Variants in CLYBL observed in about 807,000 individuals in gnomAD.
CLYBL encodes citramalyl-CoA lyase.
A neutral mutation model predicts 38.9 loss-of-function variants in CLYBL; 31 were observed. The observed-to-expected ratio is 0.80, with a 90% CI of 0.60 to 1.08. The LOEUF (loss-of-function observed/expected upper bound fraction) is 1.08. Ranked by LOEUF, CLYBL falls within the 50% of genes least tolerant of loss-of-function variation. The pLI is 0.00. For missense variants in CLYBL, 434 were observed against 411.6 expected (o/e 1.05, Z -0.47); for synonymous variants, 171 against 158.6 (o/e 1.08, Z -0.59).
chr13:99,790,080 C>T (rs1026801256), intron 2 of CLYBL, among the ~76,000 whole-genome samples: 2 of 151,900 alleles, frequency 1.3e-5, no homozygotes, highest in South Asian at 4.2e-4. Flanking sequence ...TTATTTTGAG[C>T]TTATGTGTGT....
chr13:99,734,425 G>A (rs72653923), intron 1 of CLYBL, among the ~76,000 whole-genome samples: 7,973 of 151,964 alleles, frequency 0.052, 291 homozygotes, highest in Non-Finnish European at 0.083. Flanking sequence ...ACAAAACGGA[G>A]GAGAATGTAA....
chr13:99,833,157 T>G (rs9585238), intron 2 of CLYBL, among the ~76,000 whole-genome samples: 4,349 of 146,888 alleles, frequency 0.03, 206 homozygotes, highest in African/African-American at 0.1. Context: ...TTCTCCTGCC[T>G]CAGCCTCCCA....
intron 2 of CLYBL, among the ~76,000 whole-genome samples, chr13:99,834,882 C>T (rs904216622): frequency 5.3e-5 from 8 of 152,172 alleles, no homozygotes; most frequent in Middle Eastern, 3.2e-3. Context: ...AGAATTTTGA[C>T]GGTCAAGAGG....
chr13:99,851,483 T>A (rs868085020), intron 2 of CLYBL, among the ~76,000 whole-genome samples: 1 of 151,948 alleles, frequency 6.6e-6, no homozygotes, highest in Non-Finnish European at 1.5e-5. Context: ...AAACTTTGTT[T>A]TATATATATA....
chr13:99,753,513 T>G (rs1015065779), intron 1 of CLYBL, among the ~76,000 whole-genome samples: 1 of 152,198 alleles, frequency 6.6e-6, no homozygotes, highest in African/African-American at 2.4e-5. Flanking sequence ...TAGAGTAGGA[T>G]GTAAGTCCCA....
chr13:99,854,819 C>A (rs961032876), intron 2 of CLYBL, among the ~76,000 whole-genome samples: 1 of 152,176 alleles, frequency 6.6e-6, no homozygotes, highest in African/African-American at 2.4e-5. Context: ...TGATAGGAAT[C>A]CAGTCTCTGA....
Position 99,784,449 on chromosome 13 carries a change from C to CTCTTGTTTTTTTTTTTTT in CLYBL, c.249+11440_249+11441insCTTGTTTTTTTTTTTTTT, listed in dbSNP as rs71121010. Among the ~76,000 whole-genome samples, 3 of 52,098 alleles carry CTCTTGTTTTTTTTTTTTT rather than the reference C, an allele frequency of 5.8e-5. 1 individual carries two copies. The highest frequency in any genetic ancestry group is 1.1e-4 in the Non-Finnish European group (3 of 26,222). 34.2% of individuals were successfully genotyped at this position (52,098 alleles called of 152,430 possible). On this transcript the variant is annotated intron_variant, in intron 2 of 8. Coordinates refer to ENST00000339105, the MANE Select transcript of CLYBL (RefSeq NM_206808.5). ...TTCCTCTGCTTCTGGAAAATTCTCTCTTTTTTTTTTTTTTTTTTTTTTTGA... is the reference window on the plus strand; with the variant it reads ...TTCCTCTGCTTCTGGAAAATTCTCTCTCTTGTTTTTTTTTTTTTTTTTTTTTTTTTTTTTTTTTTTTGA...
chr13:99,806,246 T>C (rs2050230360), intron 2 of CLYBL, among the ~76,000 whole-genome samples: 1 of 152,242 alleles, frequency 6.6e-6, no homozygotes, highest in Non-Finnish European at 1.5e-5. Flanking sequence ...TTTTGAAGAT[T>C]GATAATACAT....
At chr13:99,812,652 C>T (rs955307766) in intron 2 of CLYBL, among the ~76,000 whole-genome samples, 1 of 152,202 alleles carries the variant, frequency 6.6e-6, no homozygotes, top group African/African-American at 2.4e-5. Flanking sequence ...GCAAGAAGCT[C>T]AGAAAAGGTC....
chr13:99,749,239 C>T (rs563274562), intron 1 of CLYBL, among the ~76,000 whole-genome samples: 6 of 152,082 alleles, frequency 3.9e-5, no homozygotes, highest in Non-Finnish European at 7.4e-5. Context: ...CTTGTAGGAA[C>T]GTCCCTCGCC....
At chr13:99,891,283 A>G in intron 7 of CLYBL, 35 bp from the exon 8 acceptor site, 1 of 1,447,732 alleles carries the variant, frequency 6.9e-7, no homozygotes. Flanking sequence ...AATTTCGAGT[A>G]TTCTTTCAGG....
intron 1 of CLYBL, among the ~76,000 whole-genome samples, chr13:99,733,416 C>T (rs1219381278): frequency 4.6e-5 from 7 of 152,304 alleles, no homozygotes; most frequent in Non-Finnish European, 1.0e-4. Context: ...AAACTTTTTC[C>T]ATTTTATTGT....
chr13:99,758,472 G>A (rs1165581952), intron 1 of CLYBL, among the ~76,000 whole-genome samples: 1 of 152,176 alleles, frequency 6.6e-6, no homozygotes, highest in Non-Finnish European at 1.5e-5. Context: ...AAATATGTAA[G>A]ATAAAATAAA....
chr13:99,692,205 A>G (rs562388107), intron 1 of CLYBL, among the ~76,000 whole-genome samples: 2 of 151,690 alleles, frequency 1.3e-5, no homozygotes, highest in South Asian at 4.2e-4. Flanking sequence ...TACTCCCCAC[A>G]CTGACCTCCC....
rs1403117313 is a variant in CLYBL, at chr13:99,730,477, C to T, written c.63-42347C>T. Among the ~76,000 whole-genome samples, 3 of 152,320 alleles carry T rather than the reference C, an allele frequency of 2.0e-5. No homozygotes were observed. The East Asian group carries it at 5.8e-4, about 29-fold the overall frequency. The stretch of plus-strand genomic sequence containing the variant: ...TCTTAGTGAGAATACAGAACAGCTC[C>T]TGGCAGCACTTTCCCTTCCAGCTTT... On this transcript the variant is annotated intron_variant, in intron 1 of 8. Transcript: ENST00000339105.
At chr13:99,770,595 G>C (rs1486200299) in intron 1 of CLYBL, among the ~76,000 whole-genome samples, 1 of 152,114 alleles carries the variant, frequency 6.6e-6, no homozygotes, top group Non-Finnish European at 1.5e-5. Context: ...AGGATTACAG[G>C]CGTGAGCCAC....
chr13:99,866,668 A>G (rs953690230), intron 6 of CLYBL, among the ~76,000 whole-genome samples: 1 of 142,774 alleles, frequency 7.0e-6, no homozygotes, highest in Non-Finnish European at 1.5e-5. Context: ...CCTCTTAATC[A>G]TTTTGTTGTA....
intron 1 of CLYBL, among the ~76,000 whole-genome samples, chr13:99,661,021 A>G (rs2047400976): frequency 6.6e-6 from 1 of 152,198 alleles, no homozygotes; most frequent in African/African-American, 2.4e-5. Context: ...TTAAGTGTCA[A>G]TTTTAGTGAT....
chr13:99,773,446 G>A (rs865954802), intron 2 of CLYBL, among the ~76,000 whole-genome samples: 4 of 152,176 alleles, frequency 2.6e-5, no homozygotes, highest in African/African-American at 4.8e-5. Flanking sequence ...TCTGCCTCCT[G>A]TCAGATCAGC....
Sources: gnomAD v4.1 joint callset for allele counts (sites outside exome capture counted in the v4.1 genomes callset) on GRCh38, gnomAD v4.1.1 for gene constraint, MANE v1.5 for transcripts, NCBI Gene and HGNC (gene_info 2026-07-23, HGNC 2026-07-21) for gene names.